RB1CC1: variants seen among roughly 807,000 people sequenced by gnomAD.
RB1CC1 encodes the protein RB1-inducible coiled-coil protein 1.
RB1CC1 carries 46 observed loss-of-function variants against 177.5 expected under a neutral mutation model. The ratio of observed to expected loss-of-function variants is 0.26; its 90% confidence interval spans 0.20 to 0.33. RB1CC1 has a LOEUF of 0.33. RB1CC1 is among the 10% of genes least tolerant of loss of function. The pLI, the probability that RB1CC1 is intolerant of heterozygous loss-of-function variation, is 1.00. For synonymous variants in RB1CC1, 666 were observed against 613.6 expected (o/e 1.09, Z -1.26); for missense variants, 1,703 against 1,816.3 (o/e 0.94, Z 1.13).
Position 52,632,609 on chromosome 8 carries a change from TG to T in RB1CC1, c.4441-2082del, listed in dbSNP as rs369242740. Among the ~76,000 whole-genome samples the T allele has an allele frequency of 1.6e-4, 24 of 152,338 alleles. 1 individual carries two copies. In the East Asian group the frequency reaches 4.4e-3, roughly 28 times the overall value. ...ATATAGCTGTAATTCTATGTGAAAGTGTGATTTACATTTGGACACCTTTCTG... is the reference window on the plus strand; with the variant it reads ...ATATAGCTGTAATTCTATGTGAAAGTTGATTTACATTTGGACACCTTTCTG... On this transcript the variant is annotated intron_variant, in intron 20 of 23. Transcript: ENST00000025008.
intron 8 of RB1CC1, 27 bp downstream of exon 8, chr8:52,667,994 T>G (rs1365834317): frequency 1.3e-6 from 2 of 1,584,118 alleles, no homozygotes; most frequent in Non-Finnish European, 1.7e-6. Flanking sequence ...TAAATTCCTT[T>G]TCCTGAGAAA....
chr8:52,644,307 C>G (rs1367494773), intron 16 of RB1CC1, among the ~76,000 whole-genome samples: 1 of 152,112 alleles, frequency 6.6e-6, no homozygotes, highest in Non-Finnish European at 1.5e-5. Flanking sequence ...TTCTCCCACT[C>G]TTATTTTATA....
intron 1 of RB1CC1, among the ~76,000 whole-genome samples, chr8:52,710,730 AT>A (rs1367856833): frequency 6.6e-6 from 1 of 152,176 alleles, no homozygotes; most frequent in Admixed American, 6.5e-5. Flanking sequence ...CAAATATAGA[AT>A]TATATAAGAC....
chr8:52,644,260 C>T (rs1849814348), intron 16 of RB1CC1, among the ~76,000 whole-genome samples: 1 of 152,068 alleles, frequency 6.6e-6, no homozygotes, highest in Non-Finnish European at 1.5e-5. Flanking sequence ...ACTTAACATA[C>T]ACATCATGGA....
intron 16 of RB1CC1, among the ~76,000 whole-genome samples, chr8:52,645,446 C>T (rs1228650426): frequency 6.6e-6 from 1 of 152,094 alleles, no homozygotes; most frequent in Non-Finnish European, 1.5e-5. Context: ...TAATCTAAGA[C>T]TATCTCATTT....
chr8:52,629,020 C>T (rs1848583279), intron 21 of RB1CC1, among the ~76,000 whole-genome samples: 1 of 152,140 alleles, frequency 6.6e-6, no homozygotes, highest in Non-Finnish European at 1.5e-5. Flanking sequence ...GAAATGGGGC[C>T]TCTATGAGGC....
intron 20 of RB1CC1, among the ~76,000 whole-genome samples, chr8:52,630,942 G>A (rs1361158726): frequency 6.6e-6 from 1 of 152,134 alleles, no homozygotes; most frequent in Non-Finnish European, 1.5e-5. Flanking sequence ...TTCTGCAGAA[G>A]GCTGCTGCTC....
chr8:52,656,268 C>T lies in RB1CC1; in HGVS notation c.3561G>A (p.Leu1187=). The change falls in exon 15 of 24, where the codon TTG becomes TTA. Residue 1187 remains leucine (L), a synonymous_variant. Transcript: ENST00000025008. The part of the protein sequence containing the change: ...IELQSKLDSE[L]SALERQKDEK... ...CATCTTTTTGTCTTTCAAGAGCACT[C>T]AATTCTGAATCCAATTTACTCTGCA... The T allele has an allele frequency of 6.2e-7, 1 of 1,613,302 alleles. No individual in the cohort carries two copies.
intron 13 of RB1CC1, 97 bp from the exon 14 acceptor site, chr8:52,658,221 C>T (rs544884156): frequency 8.0e-7 from 1 of 1,249,466 alleles, no homozygotes; most frequent in East Asian, 2.5e-5. Context: ...TAACAAGAGC[C>T]TTATCATTCC....
intron 19 of RB1CC1, among the ~76,000 whole-genome samples, chr8:52,635,423 C>T (rs1441012951): frequency 6.6e-6 from 1 of 152,026 alleles, no homozygotes; most frequent in African/African-American, 2.4e-5. Flanking sequence ...CAGACAATTA[C>T]ACTTGTAAAG....
chr8:52,694,975 A>G (rs1291097348), intron 1 of RB1CC1, among the ~76,000 whole-genome samples: 1 of 152,242 alleles, frequency 6.6e-6, no homozygotes, highest in East Asian at 1.9e-4. Flanking sequence ...GCTTTTTAGT[A>G]GGAGTTCCTA....
chr8:52,660,760 A>C (rs528452112), intron 11 of RB1CC1, 103 bp from the exon 12 acceptor site: 14 of 1,219,496 alleles, frequency 1.1e-5, no homozygotes, highest in Non-Finnish European at 1.6e-5. Context: ...CAGTACTTCA[A>C]GTTTAAAATT....
intron 18 of RB1CC1, among the ~76,000 whole-genome samples, chr8:52,639,691 T>C (rs1849416452): frequency 1.3e-5 from 2 of 152,178 alleles, no homozygotes; most frequent in African/African-American, 4.8e-5. Flanking sequence ...CACTGCATTA[T>C]ATCAATTGTC....
At chr8:52,653,744 T>C (rs545546581) in intron 15 of RB1CC1, among the ~76,000 whole-genome samples, 1 of 152,344 alleles carries the variant, frequency 6.6e-6, no homozygotes, top group Admixed American at 6.5e-5. Flanking sequence ...ATTTGCATTA[T>C]ATTTACCAGC....
chr8:52,706,624 C>T (rs1039345648), intron 1 of RB1CC1, among the ~76,000 whole-genome samples: 4 of 151,204 alleles, frequency 2.6e-5, no homozygotes, highest in African/African-American at 7.3e-5. Flanking sequence ...CCCAGCTACT[C>T]GGGAGGCTGA....
chr8:52,712,214 C>T lies in RB1CC1; in HGVS notation c.-167+1861G>A, dbSNP rs1857115271. Reference sequence around the variant, plus strand: ...AAGTGTAACTGGAGTCAGAAAATATCATTACCTGAATGAGAAAATTTTATC... The same window carrying T: ...AAGTGTAACTGGAGTCAGAAAATATTATTACCTGAATGAGAAAATTTTATC... On this transcript the variant is annotated intron_variant, in intron 1 of 23. Transcript: ENST00000025008. 1.3e-5 allele frequency among the ~76,000 whole-genome samples: 2 copies of T among 152,078 alleles called. 1 individual carries two copies. The highest frequency in any genetic ancestry group is 1.3e-4 in the Admixed American group (2 of 15,270).
At chr8:52,697,295 T>TAA (rs35428453) in intron 1 of RB1CC1, among the ~76,000 whole-genome samples, 1,510 of 87,886 alleles carry the variant, frequency 0.017, 34 homozygotes, top group African/African-American at 0.062. Flanking sequence ...AAATGGTTAC[T>TAA]AAAAAAAAAA....
At position 52,676,583 on chromosome 8, in the gene RB1CC1, AAG is replaced by A. The variant is rs753567163; in HGVS notation, c.370-14_370-13del. 1 of 1,583,712 alleles carries A rather than the reference AAG, an allele frequency of 6.3e-7. No homozygotes were observed. Among genetic ancestry groups the A allele is most frequent in the Non-Finnish European group, 8.6e-7 (1 of 1,161,154 alleles). ...ACTTCATACATTTCCTATATTGAAA[AAG>A]AATACAAAAGAAAGTAAAAGAAGGC... is the stretch of plus-strand genomic sequence containing the variant. On this transcript the variant is annotated splice_polypyrimidine_tract_variant and intron_variant, in intron 5 of 23. Transcript: ENST00000025008.
intron 19 of RB1CC1, 69 bp downstream of exon 19, chr8:52,635,946 G>A: frequency 6.5e-7 from 1 of 1,545,148 alleles, no homozygotes; most frequent in South Asian, 1.2e-5. Flanking sequence ...TATGTTTCCA[G>A]AATGAAGTTT....
Sources: allele counts gnomAD v4.1 joint callset (sites outside exome capture counted in the v4.1 genomes callset), GRCh38; gene constraint gnomAD v4.1.1; transcripts MANE v1.5; gene names NCBI Gene and HGNC (gene_info 2026-07-23, HGNC 2026-07-21).